The following VPS35L variants were observed in gnomAD, a reference collection of about 807,000 sequenced individuals.
The protein encoded by VPS35L is VPS35 endosomal protein sorting factor like.
Under a neutral mutation model 133.0 loss-of-function variants are expected in VPS35L, and 83 were observed. That is an observed-to-expected ratio of 0.62 (90% confidence interval 0.52 to 0.75). The LOEUF (loss-of-function observed/expected upper bound fraction) is 0.75. VPS35L is among the 30% of genes least tolerant of loss of function. The pLI is 0.00. For synonymous variants in VPS35L, 423 were observed against 449.9 expected, an observed-to-expected ratio of 0.94 and a Z score of 0.76; for missense variants, 1,083 against 1,206.8, an observed-to-expected ratio of 0.90 and a Z score of 1.52.
At chr16:19,630,326 G>GTTTTTTTTTTTTTTTTTTTTTTTTTTTT (rs201807727) in intron 18 of VPS35L, among the ~76,000 whole-genome samples, 2 of 106,516 alleles carry the variant, frequency 1.9e-5, no homozygotes, top group African/African-American at 3.7e-5. Context: ...AGTCCTAAAA[G>GTTTTTTTTTTTTTTTTTTTTTTTTTTTT]TTTTTTTTTT....
intron 3 of VPS35L, among the ~76,000 whole-genome samples, chr16:19,572,397 A>G (rs1971411368): frequency 1.3e-5 from 2 of 152,150 alleles, no homozygotes. Flanking sequence ...CAGCCTGGGC[A>G]ACAGAGCGAG....
Position 19,633,006 on chromosome 16 carries a change from G to A in VPS35L, c.1555-86G>A. ...TCCTGGAAGGTGTGTGATATATTCTGAATACGTTAGTCCTTTCCCCCAGGA... is the reference window on the plus strand; with the variant it reads ...TCCTGGAAGGTGTGTGATATATTCTAAATACGTTAGTCCTTTCCCCCAGGA... On this transcript the variant is annotated intron_variant, in intron 18 of 30. Transcript: ENST00000417362. The surrounding 1 kb of genome is among the most constrained non-coding windows in gnomAD (Gnocchi z 4.1). The A allele has an allele frequency of 1.0e-6, 1 of 969,038 alleles. No individual in the cohort carries two copies. The highest frequency in any genetic ancestry group is 1.3e-5 in the South Asian group (1 of 74,952). 60.0% of individuals were successfully genotyped at this position (969,038 alleles called of 1,614,324 possible). A position where few individuals can be genotyped will look rare whatever the true frequency, so the allele number is the denominator to read the frequency against.
At position 19,610,388 on chromosome 16, in the gene VPS35L, G is replaced by C. The variant is rs750015755; in HGVS notation, c.996G>C (p.Ser332=). 1 of 1,614,056 alleles carries C rather than the reference G, an allele frequency of 6.2e-7. No homozygotes were observed. The highest frequency in any genetic ancestry group is 1.3e-5 in the African/African-American group (1 of 75,026). Residue 332 remains serine, a synonymous_variant, in exon 12 of 31, where the codon TCG becomes TCC. Transcript: ENST00000417362. ...GAGGGATCGGAGACCCACTAGTGTC[G>C]GTGTATGCCCGTGCCTACCTGTGCC... ...MIRGIGDPLV[S]VYARAYLCRV...
chr16:19,566,194 C>A (rs1000946719), intron 2 of VPS35L, among the ~76,000 whole-genome samples: 1 of 152,102 alleles, frequency 6.6e-6, no homozygotes. Flanking sequence ...GCCCGTTCCC[C>A]ATGTTAAAAG....
chr16:19,560,028 C>A (rs951481427), intron 1 of VPS35L, among the ~76,000 whole-genome samples: 1 of 152,110 alleles, frequency 6.6e-6, no homozygotes, highest in African/African-American at 2.4e-5. Flanking sequence ...TCACCACCAT[C>A]CCCCTTTTTA....
chr16:19,633,145 T>C lies in VPS35L; in HGVS notation c.1608T>C (p.Asp536=). The change falls in exon 19 of 31, where the codon GAT becomes GAC. Residue 536 remains aspartate, a synonymous_variant. Transcript: ENST00000417362. This position sits in a 1 kb window ranked among gnomAD's most constrained non-coding sequence, Gnocchi z 4.1. ...ATGTCATCAAGCACATGACTCCAGA[T>C]CGTGCATTTGAAGATTCCTACCCCC... ...LADVIKHMTP[D]RAFEDSYPQL... 1 of 1,614,222 alleles carries C rather than the reference T, an allele frequency of 6.2e-7. No homozygotes were observed. The highest frequency in any genetic ancestry group is 8.5e-7 in the Non-Finnish European group (1 of 1,180,032).
intron 22 of VPS35L, among the ~76,000 whole-genome samples, chr16:19,644,485 ACCTCTGCCTT>A (rs1373399541): frequency 1.3e-5 from 2 of 152,110 alleles, no homozygotes; most frequent in African/African-American, 2.4e-5. Flanking sequence ...CGAACCTGCT[ACCTCTGCCTT>A]CCTAAGTGCT....
Position 19,652,041 on chromosome 16 carries a change from C to G in VPS35L, c.2172C>G (p.Leu724=). The G allele has an allele frequency of 1.9e-6, 3 of 1,613,268 alleles. No individual in the cohort carries two copies. In the South Asian group the frequency reaches 3.3e-5, roughly 18 times the overall value. Residue 724 remains leucine (L), a synonymous_variant, in exon 26 of 31, where the codon CTC becomes CTG. Transcript: ENST00000417362. The part of the protein sequence containing the change: ...SLAGIFTRLN[L]YLHSGQVALA... The stretch of plus-strand genomic sequence containing the variant: ...CGGGCATCTTCACACGTCTCAATCT[C>G]TACCTGCATTCTGGTCAGGTGGCCT...
At chr16:19,606,046 A>G (rs1233950876) in intron 9 of VPS35L, among the ~76,000 whole-genome samples, 1 of 152,198 alleles carries the variant, frequency 6.6e-6, no homozygotes, top group African/African-American at 2.4e-5. Context: ...TTCCTAAATT[A>G]TCTCTTGAGC....
intron 7 of VPS35L, among the ~76,000 whole-genome samples, chr16:19,587,634 C>CA (rs781342533): frequency 5.4e-3 from 364 of 67,774 alleles, no homozygotes; most frequent in Middle Eastern, 0.01. Context: ...AACTCCGTCT[C>CA]AAAAAAAAAA....
chr16:19,626,062 C>A, intron 14 of VPS35L, 115 bp from the exon 15 acceptor site: 1 of 662,416 alleles, frequency 1.5e-6, no homozygotes, highest in Non-Finnish European at 2.5e-6. Flanking sequence ...TGAGAATTAT[C>A]TTAATGGACA....
intron 11 of VPS35L, among the ~76,000 whole-genome samples, chr16:19,609,586 G>C (rs1009816873): frequency 1.3e-5 from 2 of 152,168 alleles, no homozygotes; most frequent in African/African-American, 4.8e-5. Flanking sequence ...GGACGTGGGG[G>C]ACCCAGATCT....
At chr16:19,663,298 T>A (rs1360686422) in intron 26 of VPS35L, among the ~76,000 whole-genome samples, 1 of 152,134 alleles carries the variant, frequency 6.6e-6, no homozygotes, top group African/African-American at 2.4e-5. Flanking sequence ...GAGCAAAGTC[T>A]CAATAATAAT....
chr16:19,671,463 C>T (rs1037095491), intron 27 of VPS35L, among the ~76,000 whole-genome samples: 1 of 121,422 alleles, frequency 8.2e-6, no homozygotes, highest in Admixed American at 8.6e-5. Context: ...AGCAAGACTC[C>T]ATCTCAAAAA....
chr16:19,628,576 T>G, intron 16 of VPS35L, 61 bp from the exon 17 acceptor site: 79 of 906,814 alleles, frequency 8.7e-5, no homozygotes, highest in Non-Finnish European at 1.3e-4. Context: ...TTCTTTTCTT[T>G]GAGCTTCAAG....
At chr16:19,604,130 T>G (rs1012391645) in intron 9 of VPS35L, among the ~76,000 whole-genome samples, 10 of 151,968 alleles carry the variant, frequency 6.6e-5, no homozygotes, top group Admixed American at 3.9e-4. Context: ...AATAGGTTTT[T>G]TTTTTTTTTT....
intron 29 of VPS35L, among the ~76,000 whole-genome samples, chr16:19,695,093 C>T (rs1449944726): frequency 2.0e-5 from 3 of 152,196 alleles, no homozygotes; most frequent in Non-Finnish European, 2.9e-5. Flanking sequence ...GGGCGTAAGC[C>T]GCCATGCCCA....
intron 9 of VPS35L, among the ~76,000 whole-genome samples, chr16:19,603,835 G>A (rs1025316303): frequency 2.6e-5 from 4 of 152,158 alleles, no homozygotes; most frequent in Non-Finnish European, 4.4e-5. Flanking sequence ...GGGTTCAAGC[G>A]ATTCTCCTGC....
chr16:19,669,023 C>A, intron 26 of VPS35L, 137 bp from the exon 27 acceptor site: 3 of 757,216 alleles, frequency 4.0e-6, no homozygotes, highest in Non-Finnish European at 5.9e-6. Context: ...TTTGCAGAAA[C>A]CTTCTGCTAG....
Sources: gnomAD v4.1 joint callset for allele counts (sites outside exome capture counted in the v4.1 genomes callset) on GRCh38, gnomAD v4.1.1 for gene constraint, Gnocchi (gnomAD v3.1) non-coding constraint, MANE v1.5 for transcripts, NCBI Gene and HGNC (gene_info 2026-07-23, HGNC 2026-07-21) for gene names.